The following TARBP1 variants were observed in gnomAD, a reference collection of about 807,000 sequenced individuals.
The protein encoded by TARBP1 is tRNA (guanosine(18)-2'-O)-methyltransferase TARBP1.
TARBP1 carries 144 observed loss-of-function variants against 178.6 expected under a neutral mutation model. The ratio of observed to expected loss-of-function variants is 0.81; its 90% CI spans 0.70 to 0.93. The LOEUF (loss-of-function observed/expected upper bound fraction) is 0.93, where lower values mean the gene tolerates loss of function less well. Ranked by LOEUF, TARBP1 falls within the 40% of genes least tolerant of loss-of-function variation. The pLI, the probability that TARBP1 is intolerant of heterozygous loss-of-function variation, is 0.00. For synonymous variants in TARBP1, 787 were observed against 781.0 expected, an observed-to-expected ratio of 1.01 and a Z score of -0.13; for missense variants, 2,067 against 2,011.7, an observed-to-expected ratio of 1.03 and a Z score of -0.53.
rs1251289383 is a variant in TARBP1 at position 234,478,662 on chromosome 1, C to A, written c.442G>T (p.Gly148Trp). The A allele has an allele frequency of 7.9e-7, 1 of 1,263,758 alleles. No homozygotes were observed. Among genetic ancestry groups the A allele is most frequent in the Non-Finnish European group, 9.9e-7 (1 of 1,005,268 alleles). 78.3% of individuals were successfully genotyped at this position (1,263,758 alleles called of 1,614,324 possible). Reference protein sequence around the residue: ...EAAVEVLAAVGPCLRPREDGP... With the variant: ...EAAVEVLAAVWPCLRPREDGP... ...TCCTCGCGGGGCCGCAAACATGGCC[C>A]GACGGCTGCTAGCACTTCCACGGCA... Residue 148 changes from glycine to tryptophan, a missense_variant, in exon 1 of 30, where the codon GGG becomes TGG. Transcript: ENST00000040877.
In TARBP1 at chr1:234,429,776, G is replaced by A. The variant is rs1030078971; in HGVS notation, c.2610-99C>T. On this transcript the variant is annotated intron_variant, in intron 15 of 29. Transcript: ENST00000040877. The stretch of plus-strand genomic sequence containing the variant: ...TCCTTTCTAAAGGTGGGGGGGGGGG[G>A]GCAGTGTACAGATATAAATGGTCAT... 41 of 809,848 alleles carry A rather than the reference G, an allele frequency of 5.1e-5. 1 individual carries two copies. The highest frequency in any genetic ancestry group is 6.5e-5 in the Non-Finnish European group (36 of 556,934). The allele number at this position is 809,848 out of a possible 1,614,324, so 50.2% of individuals were successfully genotyped here.
chr1:234,452,723 T>C (rs1325567465), intron 9 of TARBP1, among the ~76,000 whole-genome samples: 4 of 152,220 alleles, frequency 2.6e-5, no homozygotes, highest in Admixed American at 1.3e-4. Context: ...TTTACCCAAA[T>C]GAGTTGAAAA....
intron 22 of TARBP1, among the ~76,000 whole-genome samples, chr1:234,412,889 C>T (rs1661999417): frequency 6.6e-6 from 1 of 152,118 alleles, no homozygotes; most frequent in African/African-American, 2.4e-5. Flanking sequence ...CCTTCCACCC[C>T]AGCAGGGATG....
intron 3 of TARBP1, among the ~76,000 whole-genome samples, chr1:234,469,028 T>C (rs1668754649): frequency 7.4e-6 from 1 of 135,566 alleles, no homozygotes; most frequent in Admixed American, 7.8e-5. Context: ...CAATAATTAC[T>C]AGGTTGGTGC....
At chr1:234,453,645 C>T (rs1450096330) in intron 9 of TARBP1, among the ~76,000 whole-genome samples, 4 of 152,040 alleles carry the variant, frequency 2.6e-5, no homozygotes, top group African/African-American at 9.7e-5. Context: ...CATGACTTAA[C>T]ATAACTAGAT....
intron 9 of TARBP1, among the ~76,000 whole-genome samples, chr1:234,454,937 G>A (rs1248201249): frequency 6.6e-6 from 1 of 152,192 alleles, no homozygotes; most frequent in Non-Finnish European, 1.5e-5. Flanking sequence ...ATAAAAGGAA[G>A]GCAGAGGCAG....
chr1:234,459,187 C>A, intron 8 of TARBP1, 43 bp downstream of exon 8: 1 of 1,522,470 alleles, frequency 6.6e-7, no homozygotes. Flanking sequence ...CACCCACTCA[C>A]TAAGAAAGAC....
intron 9 of TARBP1, 74 bp from the exon 10 acceptor site, chr1:234,450,640 C>T (rs1355350220): frequency 2.4e-5 from 36 of 1,495,944 alleles, no homozygotes; most frequent in East Asian, 2.4e-4. Flanking sequence ...CCTTAAGCCA[C>T]GTTTCTTTCT....
rs776164702 is a variant in TARBP1 at position 234,447,010 on chromosome 1, T to A, written c.1962-35A>T. The A allele has an allele frequency of 6.8e-6, 11 of 1,608,308 alleles. No individual in the cohort carries two copies. In the South Asian group the frequency reaches 1.1e-4, roughly 16 times the overall value. ...AAAAGACATGCCAAAATCAACCATT[T>A]CAAAAGCATAAGCAAATTGCTTCCC... On this transcript the variant is annotated intron_variant, in intron 11 of 29. Coordinates refer to ENST00000040877, the MANE Select transcript of TARBP1 (RefSeq NM_005646.4).
rs1415566241 is a variant in TARBP1, at chr1:234,437,372, T to A, written c.2135A>T (p.Asp712Val). Residue 712 changes from aspartate to valine, a missense_variant and splice_region_variant, in exon 13 of 30, where the codon GAT becomes GTT. Physicochemically the swap from Asp to Val is radical, Grantham distance 152. Transcript: ENST00000040877. ...CRLKGSSAQD[D>V]EVSTVLQNFF... is the part of the protein sequence containing the mutation. ...GTTCTGAAGAACAGTAGACACCTCA[T>A]CTGTATGGGGGCAAAAAGCATGCAA... The A allele has an allele frequency of 2.0e-6, 3 of 1,525,830 alleles. No homozygotes were observed. In the African/African-American group the frequency reaches 4.1e-5, roughly 21 times the overall value. The allele number at this position is 1,525,830 out of a possible 1,614,324, so 94.5% of individuals were successfully genotyped here.
intron 9 of TARBP1, among the ~76,000 whole-genome samples, chr1:234,455,088 G>A (rs1477520493): frequency 6.6e-6 from 1 of 152,176 alleles, no homozygotes; most frequent in Non-Finnish European, 1.5e-5. Context: ...AGATGAGGAA[G>A]TGGACTCGCC....
intron 24 of TARBP1, among the ~76,000 whole-genome samples, chr1:234,404,654 G>C (rs1435709756): frequency 3.9e-5 from 6 of 152,044 alleles, no homozygotes; most frequent in Non-Finnish European, 7.4e-5. Flanking sequence ...GCCTTTGCTG[G>C]GCCAGGCACA....
At chr1:234,396,124 A>G (rs1022432509) in intron 26 of TARBP1, among the ~76,000 whole-genome samples, 2 of 152,248 alleles carry the variant, frequency 1.3e-5, no homozygotes, top group Non-Finnish European at 2.9e-5. Context: ...CTCAGCATGG[A>G]AAGTCTATTA....
chr1:234,466,264 C>A (rs775576542), intron 4 of TARBP1, among the ~76,000 whole-genome samples: 6 of 152,152 alleles, frequency 3.9e-5, no homozygotes, highest in Non-Finnish European at 7.4e-5. Context: ...ATAATCCCAG[C>A]ACTTTGGGAG....
chr1:234,459,395 A>G, intron 7 of TARBP1, 69 bp from the exon 8 acceptor site: 4 of 1,244,854 alleles, frequency 3.2e-6, no homozygotes, highest in Admixed American at 2.1e-5. Flanking sequence ...GTGATTATCA[A>G]CAAGTTGATT....
chr1:234,433,411 T>A lies in TARBP1; in HGVS notation c.2393A>T (p.Gln798Leu), dbSNP rs1045075978. 1.1e-5 allele frequency: 17 copies of A among 1,613,532 alleles called. No homozygotes were observed. The African/African-American group carries it at 1.7e-4, about 16-fold the overall frequency. ...IQHLQEMDSG[Q>L]EPTVGSQIQR... The stretch of plus-strand genomic sequence containing the variant: ...AAACCTTGAATCAAAGAGGCTTACC[T>A]GTCCACTGTCCATCTCTTGAAGATG... The change falls in exon 14 of 30, where the codon CAG becomes CTG. Residue 798 changes from glutamine to leucine, a missense_variant and splice_region_variant. Transcript: ENST00000040877.
intron 19 of TARBP1, among the ~76,000 whole-genome samples, 166 bp downstream of exon 19, chr1:234,427,151 A>G (rs1160031643): frequency 1.3e-5 from 2 of 150,884 alleles, no homozygotes; most frequent in African/African-American, 5.0e-5. Context: ...AAGACAATGT[A>G]TTAGCAAGGG....
intron 12 of TARBP1, among the ~76,000 whole-genome samples, chr1:234,445,746 A>G (rs1666096920): frequency 6.6e-6 from 1 of 152,200 alleles, no homozygotes; most frequent in Non-Finnish European, 1.5e-5. Flanking sequence ...TAAACAGGTA[A>G]ATTCGTTCTT....
chr1:234,448,884 T>G (rs114518960), intron 10 of TARBP1, among the ~76,000 whole-genome samples: 7 of 152,024 alleles, frequency 4.6e-5, no homozygotes, highest in African/African-American at 1.7e-4. Flanking sequence ...AAAGAATACA[T>G]AGAAAAATGC....
Sources: gnomAD v4.1 joint callset for allele counts (sites outside exome capture counted in the v4.1 genomes callset) on GRCh38, gnomAD v4.1.1 for gene constraint, MANE v1.5 for transcripts, NCBI Gene and HGNC (gene_info 2026-07-23, HGNC 2026-07-21) for gene names.